The following SMYD3 variants were observed in gnomAD, a reference collection of about 807,000 sequenced individuals.
SMYD3 encodes SET and MYND domain containing 3, also known as histone-lysine N-methyltransferase SMYD3.
A neutral mutation model predicts 57.7 loss-of-function variants in SMYD3; 36 were observed. The observed-to-expected ratio is 0.62, with a 90% CI of 0.48 to 0.82. The LOEUF (loss-of-function observed/expected upper bound fraction) is 0.82, where lower values mean the gene tolerates loss of function less well. SMYD3 is among the 40% of genes least tolerant of loss of function. The probability of loss-of-function intolerance (pLI) is 0.00; values close to 1 mark genes in which losing one functional copy is unlikely to be tolerated. For synonymous variants in SMYD3, 211 were observed against 195.0 expected (o/e 1.08, Z -0.68); for missense variants, 515 against 538.8 (o/e 0.96, Z 0.44).
At chr1:245,820,084 CA>C (rs1371702714) in intron 10 of SMYD3, among the ~76,000 whole-genome samples, 3 of 139,580 alleles carry the variant, frequency 2.1e-5, no homozygotes, top group Non-Finnish European at 4.7e-5. Context: ...CTGGCAGAGA[CA>C]CAACCAAAAA....
intron 11 of SMYD3, among the ~76,000 whole-genome samples, chr1:245,750,579 C>T (rs1434664083): frequency 5.3e-5 from 8 of 152,314 alleles, no homozygotes; most frequent in African/African-American, 1.9e-4. Context: ...TCCTGACACA[C>T]AGCATTTGTG....
At chr1:246,500,727 G>C (rs1483007558) in intron 1 of SMYD3, among the ~76,000 whole-genome samples, 6 of 152,144 alleles carry the variant, frequency 3.9e-5, no homozygotes, top group African/African-American at 1.2e-4. Flanking sequence ...CTGTTCTTGA[G>C]CCTTTTGAGC....
At chr1:245,812,272 G>C (rs1362394209) in intron 10 of SMYD3, among the ~76,000 whole-genome samples, 1 of 152,144 alleles carries the variant, frequency 6.6e-6, no homozygotes, top group Non-Finnish European at 1.5e-5. Flanking sequence ...TGTATGAACT[G>C]CTTCACCTTT....
chr1:245,765,194 T>C (rs1317001125), intron 10 of SMYD3, among the ~76,000 whole-genome samples: 1 of 148,532 alleles, frequency 6.7e-6, no homozygotes, highest in African/African-American at 2.5e-5. Flanking sequence ...GAGACCACCC[T>C]GGGTAACAAG....
intron 1 of SMYD3, among the ~76,000 whole-genome samples, chr1:246,490,652 T>C (rs1341053938): frequency 6.6e-6 from 1 of 152,206 alleles, no homozygotes; most frequent in African/African-American, 2.4e-5. Flanking sequence ...GGGAGAGGAC[T>C]GCTTGAGCCC....
chr1:246,227,785 C>T (rs967350368), intron 5 of SMYD3, among the ~76,000 whole-genome samples: 40 of 151,998 alleles, frequency 2.6e-4, no homozygotes, highest in Non-Finnish European at 5.9e-5. Context: ...AGCCACTCTA[C>T]CTTTATGCAT....
At chr1:246,231,084 T>C (rs1396925933) in intron 5 of SMYD3, among the ~76,000 whole-genome samples, 2 of 152,240 alleles carry the variant, frequency 1.3e-5, no homozygotes, top group Non-Finnish European at 2.9e-5. Context: ...TAGTGTACTT[T>C]TGGCCAGTGA....
chr1:246,137,937 T>C (rs1025859263), intron 5 of SMYD3, among the ~76,000 whole-genome samples: 21 of 152,202 alleles, frequency 1.4e-4, no homozygotes, highest in Admixed American at 3.3e-4. Context: ...TCTCAGAGAT[T>C]ATTACCCTGA....
intron 5 of SMYD3, among the ~76,000 whole-genome samples, chr1:245,932,755 T>C (rs2056795876): frequency 6.6e-6 from 1 of 151,926 alleles, no homozygotes; most frequent in African/African-American, 2.4e-5. Context: ...GAGACAGGAG[T>C]CTTGCTATAT....
chr1:246,066,168 G>A (rs2060337153), intron 5 of SMYD3, among the ~76,000 whole-genome samples: 1 of 152,148 alleles, frequency 6.6e-6, no homozygotes, highest in Admixed American at 6.5e-5. Context: ...TGAACTTTGG[G>A]ATGAAAACTC....
At chr1:246,065,658 T>C (rs2060328195) in intron 5 of SMYD3, among the ~76,000 whole-genome samples, 1 of 152,184 alleles carries the variant, frequency 6.6e-6, no homozygotes, top group African/African-American at 2.4e-5. Flanking sequence ...AAATTAATAT[T>C]AAATACTGAA....
intron 1 of SMYD3, among the ~76,000 whole-genome samples, chr1:246,381,914 C>T (rs955059648): frequency 7.2e-6 from 1 of 139,238 alleles, no homozygotes; most frequent in Non-Finnish European, 1.6e-5. Flanking sequence ...TCCAGGCCCA[C>T]CGCGGGCTCC....
chr1:245,767,537 C>T (rs751449287), intron 10 of SMYD3, among the ~76,000 whole-genome samples: 5 of 152,162 alleles, frequency 3.3e-5, no homozygotes, highest in Non-Finnish European at 5.9e-5. Context: ...TGGGAGCAGC[C>T]GGGACCACAG....
chr1:246,363,695 T>C (rs1390629584), intron 1 of SMYD3, among the ~76,000 whole-genome samples: 1 of 152,144 alleles, frequency 6.6e-6, no homozygotes, highest in Non-Finnish European at 1.5e-5. Context: ...GTGCAAGATG[T>C]GCTTTGTTAA....
rs552862979 is a variant in SMYD3 at position 246,110,963 on chromosome 1, T to C, written c.532-181026A>G. 7.9e-5 allele frequency among the ~76,000 whole-genome samples: 12 copies of C among 152,306 alleles called. 1 individual carries two copies. The South Asian group carries it at 2.5e-3, about 32-fold the overall frequency. On this transcript the variant is annotated intron_variant, in intron 5 of 11. Transcript: ENST00000490107. ...TTAAACTTAGGAGCGAACTCTGCAT[T>C]AGGACATTTCTCCTTTCATTGTCCA... is the stretch of plus-strand genomic sequence containing the variant.
chr1:245,957,255 G>C (rs1313781590), intron 5 of SMYD3, among the ~76,000 whole-genome samples: 2 of 152,130 alleles, frequency 1.3e-5, no homozygotes, highest in Non-Finnish European at 1.5e-5. Flanking sequence ...GTTTAGACCT[G>C]ACTAGCTAAA....
chr1:246,244,287 T>C (rs1431116004), intron 5 of SMYD3, among the ~76,000 whole-genome samples: 1 of 152,156 alleles, frequency 6.6e-6, no homozygotes, highest in Non-Finnish European at 1.5e-5. Flanking sequence ...GACCCCATTT[T>C]ATAGGTATCT....
intron 5 of SMYD3, among the ~76,000 whole-genome samples, chr1:246,255,201 G>C (rs1312627915): frequency 6.6e-6 from 1 of 151,950 alleles, no homozygotes; most frequent in Non-Finnish European, 1.5e-5. Flanking sequence ...TCCTTGTCTT[G>C]TTCCAGTTCT....
At chr1:246,481,607 TACACA>T (rs2068104689) in intron 1 of SMYD3, among the ~76,000 whole-genome samples, 8 of 61,946 alleles carry the variant, frequency 1.3e-4, no homozygotes, top group African/African-American at 3.9e-4. Flanking sequence ...TATATATATA[TACACA>T]TACATATATA....
Sources: allele counts gnomAD v4.1 joint callset (sites outside exome capture counted in the v4.1 genomes callset), GRCh38; gene constraint gnomAD v4.1.1; transcripts MANE v1.5; gene names NCBI Gene and HGNC (gene_info 2026-07-23, HGNC 2026-07-21).